Variants in DIABLO observed in about 807,000 individuals in gnomAD.
The protein encoded by DIABLO is diablo IAP-binding mitochondrial protein, also known as diablo homolog, mitochondrial.
Under a neutral mutation model 31.7 loss-of-function variants are expected in DIABLO, and 32 were observed. That is an observed-to-expected ratio of 1.01 (90% CI 0.76 to 1.35). DIABLO has a LOEUF of 1.35. Ranked by LOEUF, DIABLO falls within the 40% of genes most tolerant of loss-of-function variation. DIABLO has a pLI of 0.00. For missense variants in DIABLO, 316 were observed against 286.4 expected (o/e 1.10, Z -0.75); for synonymous variants, 132 against 103.2 (o/e 1.28, Z -1.69).
chr12:122,226,085 G>T (rs771035163), upstream of DIABLO: 4 of 1,550,808 alleles, frequency 2.6e-6, no homozygotes, highest in South Asian at 4.7e-5. Flanking sequence ...GCGGGGCACG[G>T]CCTCCACCTG....
chr12:122,225,928 C>T, intron 1 of DIABLO, 37 bp downstream of exon 1: 3 of 1,568,036 alleles, frequency 1.9e-6, no homozygotes, highest in Non-Finnish European at 2.6e-6. Context: ...CGGTCCCTCC[C>T]TCTGGTCCTG....
chr12:122,217,109 C>G, intron 3 of DIABLO: 1 of 467,610 alleles, frequency 2.1e-6, no homozygotes, highest in Non-Finnish European at 3.9e-6. Flanking sequence ...AAAGAGAAAA[C>G]AATGCAAGGG....
At chr12:122,213,520 A>T (rs1000080971) in intron 5 of DIABLO, among the ~76,000 whole-genome samples, 1 of 151,892 alleles carries the variant, frequency 6.6e-6, no homozygotes, top group Non-Finnish European at 1.5e-5. Context: ...AAAAAAAAAA[A>T]AAATTCCGTT....
chr12:122,227,324 C>A, upstream of DIABLO: 1 of 451,066 alleles, frequency 2.2e-6, no homozygotes, highest in South Asian at 1.6e-5. Context: ...CAGTGTCAGG[C>A]ACTGGCTTCC....
upstream of DIABLO, chr12:122,226,164 G>A (rs1380701981): frequency 8.2e-7 from 1 of 1,219,528 alleles, no homozygotes; most frequent in Non-Finnish European, 1.2e-6. Context: ...CAGGGGGAAA[G>A]GGGGCGAGGC....
chr12:122,224,766 A>G, intron 1 of DIABLO, 122 bp from the exon 2 acceptor site: 1 of 1,598,426 alleles, frequency 6.3e-7, no homozygotes, highest in Non-Finnish European at 8.5e-7. Context: ...AGGATGCAGG[A>G]CAGCTGAGGG....
At position 122,207,673 on chromosome 12, in the gene DIABLO, G is replaced by C. The variant is rs925678086; in HGVS notation, c.*708C>G. On this transcript the variant is annotated 3_prime_UTR_variant, in exon 6 of 6. Coordinates refer to ENST00000464942, the MANE Select transcript of DIABLO (RefSeq NM_001371333.1). ...GGAAGGAGGCTGCATAGGACCCCAGGAGAGACGCATTTTCTCTTTCAGATG... is the reference window on the plus strand; with the variant it reads ...GGAAGGAGGCTGCATAGGACCCCAGCAGAGACGCATTTTCTCTTTCAGATG... 3 of 632,104 alleles carry C rather than the reference G, an allele frequency of 4.7e-6. No homozygotes were observed. In the African/African-American group the frequency reaches 5.4e-5, roughly 11 times the overall value. The allele number at this position is 632,104 out of a possible 1,614,324, so 39.2% of individuals were successfully genotyped here.
chr12:122,226,595 C>T (rs773574316), upstream of DIABLO: 12 of 685,778 alleles, frequency 1.7e-5, no homozygotes, highest in Middle Eastern at 3.7e-4. Context: ...GGACGGTCGG[C>T]GGCCTGCCGG....
At chr12:122,225,742 T>C (rs1954449154) in intron 1 of DIABLO, 6 of 1,432,288 alleles carry the variant, frequency 4.2e-6, no homozygotes, top group Admixed American at 5.6e-5. Flanking sequence ...TCTCGGGGAC[T>C]CGTTTCTAGA....
In DIABLO at chr12:122,208,592, G is replaced by T; in HGVS notation, c.524-15C>A. The T allele has an allele frequency of 6.2e-7, 1 of 1,610,462 alleles. No individual in the cohort carries two copies. Among genetic ancestry groups the T allele is most frequent in the Non-Finnish European group, 8.5e-7 (1 of 1,179,864 alleles). On this transcript the variant is annotated splice_polypyrimidine_tract_variant and intron_variant, in intron 5 of 5. Transcript: ENST00000464942. ...CTGATCTGCGCCTGCCAAAAGATGG[G>T]ACAATCGGGTTGAGCAGCCGTGCAG...
At chr12:122,208,878 A>G (rs1171880423) in intron 5 of DIABLO, 1 of 449,202 alleles carries the variant, frequency 2.2e-6, no homozygotes, top group East Asian at 5.6e-5. Flanking sequence ...ACCTTTGATT[A>G]ATTTTTTTAA....
chr12:122,213,765 A>G (rs1032416911), intron 5 of DIABLO, among the ~76,000 whole-genome samples: 2 of 151,126 alleles, frequency 1.3e-5, no homozygotes, highest in African/African-American at 4.9e-5. Context: ...CTGATCCCTC[A>G]GGATCACTAC....
intron 5 of DIABLO, 67 bp downstream of exon 5, chr12:122,216,421 A>G: frequency 7.2e-7 from 1 of 1,388,044 alleles, no homozygotes; most frequent in Non-Finnish European, 1.0e-6. Context: ...AAACCAGATG[A>G]AAACTCAAAT....
At chr12:122,226,623 G>A (rs538904763), upstream of DIABLO, 13 of 675,516 alleles carry the variant, frequency 1.9e-5, no homozygotes, top group African/African-American at 2.2e-4. Context: ...CCGTCCCAGA[G>A]GGGCGGACGG....
At chr12:122,226,162 A>G, upstream of DIABLO, 1 of 1,234,960 alleles carries the variant, frequency 8.1e-7, no homozygotes. Flanking sequence ...GGCAGGGGGA[A>G]AGGGGGCGAG....
At chr12:122,213,626 C>T (rs1185309667) in intron 5 of DIABLO, among the ~76,000 whole-genome samples, 1 of 151,874 alleles carries the variant, frequency 6.6e-6, no homozygotes, top group Non-Finnish European at 1.5e-5. Flanking sequence ...TCTAGATATT[C>T]TCCTTTTCTC....
intron 2 of DIABLO, chr12:122,220,541 G>C (rs949950657): frequency 7.9e-5 from 12 of 152,188 alleles, no homozygotes; most frequent in African/African-American, 2.7e-4. Context: ...TGTAATCCCA[G>C]CTACTCGGGA....
rs1954407750 is a variant in DIABLO, at chr12:122,224,631, A to G, written c.64T>C (p.Leu22=). The change falls in exon 2 of 6, where the codon TTG becomes CTG. Residue 22 remains leucine (L), a synonymous_variant. Transcript: ENST00000464942. ...VTSFFRYRQC[L]CVPVVANFKK... is the part of the protein sequence containing the mutation. ...AAGTTAGCCACAACAGGAACACACA[A>G]ACACTGTCTGTACCTGGAAGTAGAA... 2.5e-6 allele frequency: 4 copies of G among 1,614,098 alleles called. No individual in the cohort carries two copies. Among genetic ancestry groups the G allele is most frequent in the East Asian group, 2.2e-5 (1 of 44,882 alleles).
At chr12:122,218,956 C>T (rs1293470344) in intron 2 of DIABLO, among the ~76,000 whole-genome samples, 2 of 120,610 alleles carry the variant, frequency 1.7e-5, no homozygotes, top group African/African-American at 6.4e-5. Flanking sequence ...AAAAAAGTGC[C>T]GGGCACGGTG....
Sources: gnomAD v4.1 joint callset for allele counts (sites outside exome capture counted in the v4.1 genomes callset) on GRCh38, gnomAD v4.1.1 for gene constraint, MANE v1.5 for transcripts, NCBI Gene and HGNC (gene_info 2026-07-23, HGNC 2026-07-21) for gene names.